Variants in WWOX observed in about 807,000 individuals in gnomAD.
WWOX encodes the protein WW domain containing oxidoreductase, also known as WW domain-containing oxidoreductase.
In WWOX, 69 loss-of-function variants were observed where a neutral mutation model predicts 46.2. The ratio of observed to expected loss-of-function variants is 1.49; its 90% confidence interval spans 1.23 to 1.82. The LOEUF (loss-of-function observed/expected upper bound fraction) is 1.82, where lower values mean the gene tolerates loss of function less well. Among genes scored for constraint, WWOX ranks in the 40% most tolerant of loss-of-function variants. The probability of loss-of-function intolerance (pLI) is 0.00; values close to 1 mark genes in which losing one functional copy is unlikely to be tolerated. For synonymous variants in WWOX, 359 were observed against 202.6 expected (o/e 1.77, Z -6.56); for missense variants, 919 against 542.6 (o/e 1.69, Z -6.89).
intron 8 of WWOX, among the ~76,000 whole-genome samples, chr16:78,574,976 T>C (rs2044813346): frequency 9.3e-6 from 1 of 107,290 alleles, no homozygotes. Context: ...AGACCCTGAA[T>C]ATATTCAATA....
intron 5 of WWOX, among the ~76,000 whole-genome samples, chr16:78,218,854 G>A (rs1037780936): frequency 1.3e-5 from 2 of 152,238 alleles, no homozygotes; most frequent in East Asian, 3.9e-4. Context: ...GAGTCTAATT[G>A]TTTTTAAACT....
At chr16:78,783,514 A>G (rs1314767925) in intron 8 of WWOX, among the ~76,000 whole-genome samples, 1 of 152,212 alleles carries the variant, frequency 6.6e-6, no homozygotes, top group Non-Finnish European at 1.5e-5. Flanking sequence ...GGGCCTCTGA[A>G]TGAGAGCTGG....
At chr16:78,926,330 GC>G (rs1158046560) in intron 8 of WWOX, among the ~76,000 whole-genome samples, 2 of 151,012 alleles carry the variant, frequency 1.3e-5, no homozygotes, top group East Asian at 3.9e-4. Context: ...CCATGCTCGT[GC>G]CATTGCATTT....
chr16:78,937,814 G>A lies in WWOX; in HGVS notation c.1057-273794G>A, dbSNP rs141142579. ...TAACTTTTGTTTCTTTTTAAATAGA[G>A]GTCTGTTTTTACTATGTTGGCCAGG... On this transcript the variant is annotated intron_variant, in intron 8 of 8. Transcript: ENST00000566780. Among the ~76,000 whole-genome samples, 10 of 151,946 alleles carry A rather than the reference G, an allele frequency of 6.6e-5. No homozygotes were observed. In the East Asian group the frequency reaches 1.9e-3, roughly 30 times the overall value.
intron 8 of WWOX, among the ~76,000 whole-genome samples, chr16:78,675,185 C>T (rs1019680818): frequency 6.6e-6 from 1 of 151,956 alleles, no homozygotes; most frequent in African/African-American, 2.4e-5. Context: ...GTATATTTAA[C>T]AGGTAAGGAA....
At chr16:78,415,779 G>A (rs764333873) in intron 6 of WWOX, among the ~76,000 whole-genome samples, 3 of 152,140 alleles carry the variant, frequency 2.0e-5, no homozygotes, top group Non-Finnish European at 4.4e-5. Context: ...CTGTCATAAG[G>A]AATCTTGGCC....
intron 6 of WWOX, among the ~76,000 whole-genome samples, chr16:78,399,018 G>C (rs542438080): frequency 2.0e-5 from 3 of 148,720 alleles, no homozygotes; most frequent in African/African-American, 7.8e-5. Flanking sequence ...GTGGCTGGCT[G>C]GCTAGATGGA....
At chr16:78,406,359 ATTATT>A (rs2082544474) in intron 6 of WWOX, among the ~76,000 whole-genome samples, 10 of 59,914 alleles carry the variant, frequency 1.7e-4, no homozygotes, top group African/African-American at 5.2e-4. Flanking sequence ...TATATATTTT[ATTATT>A]TTTTTTTGAG....
intron 8 of WWOX, among the ~76,000 whole-genome samples, chr16:78,811,131 A>G (rs1276010851): frequency 1.3e-5 from 2 of 152,180 alleles, no homozygotes; most frequent in Non-Finnish European, 2.9e-5. Flanking sequence ...AAATGATGAA[A>G]AAGTCTGAAG....
intron 8 of WWOX, among the ~76,000 whole-genome samples, chr16:79,122,199 C>G (rs1010071034): frequency 6.6e-6 from 1 of 152,030 alleles, no homozygotes; most frequent in Non-Finnish European, 1.5e-5. Flanking sequence ...GAAGTTGTAC[C>G]GCCTCTGGGC....
Position 78,172,871 on chromosome 16 carries a change from A to T in WWOX, c.516+8582A>T, listed in dbSNP as rs148306754. ...ATGTTCAGACAGTGTTCAGCCGCCA[A>T]TGGCTGAAAGGCCTGCTTTTGGCCA... is the stretch of plus-strand genomic sequence containing the variant. On this transcript the variant is annotated intron_variant, in intron 5 of 8. Coordinates refer to ENST00000566780, the MANE Select transcript of WWOX (RefSeq NM_016373.4). Among the ~76,000 whole-genome samples the T allele has an allele frequency of 2.6e-5, 4 of 152,358 alleles. No homozygotes were observed. The South Asian group carries it at 8.3e-4, about 32-fold the overall frequency.
chr16:78,967,281 G>A (rs1283255900), intron 8 of WWOX, among the ~76,000 whole-genome samples: 1 of 137,250 alleles, frequency 7.3e-6, no homozygotes, highest in Admixed American at 8.2e-5. Flanking sequence ...CCTGCCTGCC[G>A]AGGCCTTTTT....
In WWOX at chr16:78,315,377, G is replaced by T. The variant is rs955088415; in HGVS notation, c.517-71483G>T. 4.6e-5 allele frequency among the ~76,000 whole-genome samples: 7 copies of T among 152,250 alleles called. No homozygotes were observed. In the South Asian group the frequency reaches 1.5e-3, roughly 32 times the overall value. On this transcript the variant is annotated intron_variant, in intron 5 of 8. Coordinates refer to ENST00000566780, the MANE Select transcript of WWOX (RefSeq NM_016373.4). ...ATAATTATATGATTATGCTGAGTGA[G>T]GTGGCTCAAGCCTGTAATCCCAGCA...
At chr16:78,749,349 C>T (rs1462444566) in intron 8 of WWOX, among the ~76,000 whole-genome samples, 2 of 151,998 alleles carry the variant, frequency 1.3e-5, no homozygotes, top group Non-Finnish European at 2.9e-5. Flanking sequence ...AGCTGAAATT[C>T]AAAACAAAAC....
intron 8 of WWOX, among the ~76,000 whole-genome samples, chr16:78,985,050 C>T (rs62036038): frequency 0.02 from 3,014 of 152,296 alleles, 54 homozygotes; most frequent in Non-Finnish European, 0.031. Flanking sequence ...CCCTCCACCC[C>T]GCTCTGTCAG....
chr16:78,995,131 CT>C (rs1185780479), intron 8 of WWOX, among the ~76,000 whole-genome samples: 1 of 152,012 alleles, frequency 6.6e-6, no homozygotes, highest in Admixed American at 6.6e-5. Flanking sequence ...GCTCTGATCA[CT>C]CCTTTTTGTG....
At chr16:78,468,515 G>C (rs745911526) in intron 8 of WWOX, among the ~76,000 whole-genome samples, 40 of 152,078 alleles carry the variant, frequency 2.6e-4, no homozygotes, top group Middle Eastern at 3.2e-3. Flanking sequence ...GTCATCTCAT[G>C]GTCCATTGTC....
intron 8 of WWOX, among the ~76,000 whole-genome samples, chr16:78,669,625 G>A (rs537763478): frequency 2.3e-4 from 35 of 152,284 alleles, no homozygotes; most frequent in African/African-American, 8.4e-4. Context: ...AAATGAGTCA[G>A]TTTCAGATAT....
chr16:78,560,467 A>T (rs2044409323), intron 8 of WWOX, among the ~76,000 whole-genome samples: 1 of 151,952 alleles, frequency 6.6e-6, no homozygotes, highest in Non-Finnish European at 1.5e-5. Flanking sequence ...ACATGGTGAA[A>T]CCCCCGTCTC....
Sources: gnomAD v4.1 joint callset for allele counts (sites outside exome capture counted in the v4.1 genomes callset) on GRCh38, gnomAD v4.1.1 for gene constraint, MANE v1.5 for transcripts, NCBI Gene and HGNC (gene_info 2026-07-23, HGNC 2026-07-21) for gene names.